CPHXL: variants seen among roughly 807,000 people sequenced by gnomAD.
CPHXL encodes the protein cytoplasmic polyadenylated homeobox-like protein.
chr16:75,717,171 C>T (rs887580800), intron 2 of CPHXL, among the ~76,000 whole-genome samples: 2 of 152,232 alleles, frequency 1.3e-5, no homozygotes, highest in African/African-American at 4.8e-5. Context: ...GCACAGCTAG[C>T]AAGCTGGCCC....
intron 2 of CPHXL, among the ~76,000 whole-genome samples, chr16:75,717,836 T>A (rs1031467422): frequency 6.6e-6 from 1 of 152,222 alleles, no homozygotes; most frequent in Non-Finnish European, 1.5e-5. Context: ...TATACATATG[T>A]ATTTTGATTG....
chr16:75,714,673 A>T lies in CPHXL; in HGVS notation c.769T>A (p.Ser257Thr), dbSNP rs986704856. 1.0e-5 allele frequency: 4 copies of T among 398,502 alleles called. No homozygotes were observed. The highest frequency in any genetic ancestry group is 8.2e-5 in the African/African-American group (4 of 48,632). The allele number at this position is 398,502 out of a possible 1,614,324, so 24.7% of individuals were successfully genotyped here. Residue 257 changes from serine (S) to threonine (T), a missense_variant, in exon 3 of 3, where the codon TCT becomes ACT. Ser to Thr is a moderately conservative substitution (Grantham distance 58, BLOSUM62 1). Coordinates refer to ENST00000640559, the MANE Select transcript of CPHXL (RefSeq NM_001355613.1). Reference sequence around the variant, plus strand: ...TCTCCATGAAAATATGGCACAGAAGATGGGGGAGGATGAAGGCATTCTGCA... The same window carrying T: ...TCTCCATGAAAATATGGCACAGAAGTTGGGGGAGGATGAAGGCATTCTGCA... ...NSAECLHPPP[S>T]SVPYFHGERT...
At chr16:75,716,391 G>A (rs1370473192) in intron 2 of CPHXL, among the ~76,000 whole-genome samples, 1 of 152,226 alleles carries the variant, frequency 6.6e-6, no homozygotes, top group Non-Finnish European at 1.5e-5. Context: ...CTTCAGGTCA[G>A]GGCTCCTGCT....
chr16:75,719,703 C>T (rs1440898408), intron 1 of CPHXL, among the ~76,000 whole-genome samples: 1 of 152,190 alleles, frequency 6.6e-6, no homozygotes, highest in Admixed American at 6.5e-5. Context: ...TAAAAGGCAG[C>T]AGAATCATCT....
intron 1 of CPHXL, among the ~76,000 whole-genome samples, chr16:75,725,736 G>A (rs1959548293): frequency 7.1e-6 from 1 of 141,426 alleles, no homozygotes; most frequent in Non-Finnish European, 1.5e-5. Flanking sequence ...ACAGGAGTGA[G>A]CCACCGTGCC....
At chr16:75,725,106 C>G (rs1959535625) in intron 1 of CPHXL, among the ~76,000 whole-genome samples, 1 of 150,608 alleles carries the variant, frequency 6.6e-6, no homozygotes, top group South Asian at 2.1e-4. Context: ...AGGGGAACAT[C>G]ACACACCCGG....
At chr16:75,718,753 C>T (rs1016864139) in intron 1 of CPHXL, among the ~76,000 whole-genome samples, 3 of 152,250 alleles carry the variant, frequency 2.0e-5, no homozygotes, top group African/African-American at 7.2e-5. Context: ...CAAGCCACAA[C>T]AGCAGGCTTA....
In CPHXL at chr16:75,714,853, C is replaced by T. The variant is rs1362820147; in HGVS notation, c.589G>A (p.Gly197Arg). ...GSQCSYLEKL[G>R]IPSQQVASQS... is the part of the protein sequence containing the mutation. ...GAGGCCACCTGTTGACTGGGAATCC[C>T]TAGTTTCTCCAGATAGGAGCACTGG... is the stretch of plus-strand genomic sequence containing the variant. Residue 197 changes from glycine (G) to arginine (R), a missense_variant, in exon 3 of 3, where the codon GGG becomes AGG. Transcript: ENST00000640559. 1.3e-5 allele frequency: 5 copies of T among 398,550 alleles called. No individual in the cohort carries two copies. Among genetic ancestry groups the T allele is most frequent in the African/African-American group, 8.2e-5 (4 of 48,626 alleles). 24.7% of individuals were successfully genotyped at this position (398,550 alleles called of 1,614,324 possible).
chr16:75,722,339 T>C (rs1212614992), intron 1 of CPHXL, among the ~76,000 whole-genome samples: 1 of 151,524 alleles, frequency 6.6e-6, no homozygotes, highest in Non-Finnish European at 1.5e-5. Context: ...AAAAGATCAA[T>C]AAAATTGATA....
intron 1 of CPHXL, among the ~76,000 whole-genome samples, chr16:75,719,494 C>A (rs1229210045): frequency 6.6e-6 from 1 of 152,162 alleles, no homozygotes; most frequent in African/African-American, 2.4e-5. Flanking sequence ...GCCCATGGAG[C>A]CTCGCTCACT....
At chr16:75,722,322 C>T (rs1034942664) in intron 1 of CPHXL, among the ~76,000 whole-genome samples, 1 of 151,910 alleles carries the variant, frequency 6.6e-6, no homozygotes, top group Non-Finnish European at 1.5e-5. Context: ...CAGGACCTGG[C>T]TTTTTGAAAA....
intron 1 of CPHXL, among the ~76,000 whole-genome samples, chr16:75,725,014 C>CACA (rs1470903454): frequency 2.0e-5 from 3 of 152,018 alleles, no homozygotes; most frequent in African/African-American, 7.3e-5. Context: ...TCTCAGCAAA[C>CACA]TATCACAAGG....
intron 2 of CPHXL, 96 bp from the exon 3 acceptor site, chr16:75,715,318 C>A: frequency 2.5e-6 from 1 of 397,566 alleles, no homozygotes; most frequent in South Asian, 1.4e-4. Flanking sequence ...CTATTTAAGC[C>A]TCTTCCAAGC....
intron 2 of CPHXL, among the ~76,000 whole-genome samples, chr16:75,717,864 G>A (rs763375595): frequency 1.3e-5 from 2 of 152,110 alleles, no homozygotes; most frequent in South Asian, 2.1e-4. Flanking sequence ...CCATTTCTTC[G>A]AATTCTGTAC....
Position 75,715,807 on chromosome 16 carries a change from C to A in CPHXL, c.220-585G>T, listed in dbSNP as rs991601814. ...CGCCTCCTGGATTCAAGTGATTTTC[C>A]TACCTCAGCCTCCCGAGTAGCTGGA... On this transcript the variant is annotated intron_variant, in intron 2 of 2. Coordinates refer to ENST00000640559, the MANE Select transcript of CPHXL (RefSeq NM_001355613.1). Among the ~76,000 whole-genome samples, 3 of 152,126 alleles carry A rather than the reference C, an allele frequency of 2.0e-5. No homozygotes were observed. In the South Asian group the frequency reaches 6.2e-4, roughly 32 times the overall value.
intron 1 of CPHXL, among the ~76,000 whole-genome samples, chr16:75,724,740 A>G (rs1959529196): frequency 6.6e-6 from 1 of 152,234 alleles, no homozygotes; most frequent in Admixed American, 6.5e-5. Flanking sequence ...ATCTAGAACT[A>G]GAAATGCCAT....
chr16:75,715,098 G>T lies in CPHXL; in HGVS notation c.344C>A (p.Ala115Asp), dbSNP rs193247958. 194 of 398,930 alleles carry T rather than the reference G, an allele frequency of 4.9e-4. 2 individuals are homozygous for T. Among genetic ancestry groups the T allele is most frequent in the African/African-American group, 3.6e-3 (175 of 48,780 alleles). The allele number at this position is 398,930 out of a possible 1,614,324, so 24.7% of individuals were successfully genotyped here. A position where few individuals can be genotyped will look rare whatever the true frequency, so the allele number is the denominator to read the frequency against. ...CTTGGTGGCATAGTTGTGAGCTGCA[G>T]CCTGGGTCTCCTGGCAGCTTAAAAA... ...HSFLSCQETQ[A>D]AAHNYATKQS... Residue 115 changes from alanine (A) to aspartate (D), a missense_variant, in exon 3 of 3, where the codon GCT becomes GAT. By Grantham distance (126) the Ala-to-Asp change is moderately radical. Transcript: ENST00000640559.
intron 1 of CPHXL, among the ~76,000 whole-genome samples, chr16:75,724,316 C>T (rs1034289802): frequency 6.6e-6 from 1 of 152,172 alleles, no homozygotes; most frequent in Admixed American, 6.5e-5. Flanking sequence ...GTAAAAGGAA[C>T]TACCATCAGA....
chr16:75,724,993 G>A (rs555960235), intron 1 of CPHXL, among the ~76,000 whole-genome samples: 5 of 152,270 alleles, frequency 3.3e-5, no homozygotes, highest in African/African-American at 1.2e-4. Context: ...GATGAAGCTG[G>A]AAACCATCAT....
Sources: allele counts gnomAD v4.1 joint callset (sites outside exome capture counted in the v4.1 genomes callset), GRCh38; gene constraint gnomAD v4.1.1; transcripts MANE v1.5; gene names NCBI Gene and HGNC (gene_info 2026-07-23, HGNC 2026-07-21).